Variants in TCF20 observed in about 807,000 individuals in gnomAD.
TCF20 encodes the protein transcription factor 20.
A neutral mutation model predicts 148.6 loss-of-function variants in TCF20; 3 were observed. The observed-to-expected ratio is 0.02, with a 90% CI of 0.01 to 0.05. The LOEUF is 0.05. Ranked by LOEUF, TCF20 falls within the 10% of genes least tolerant of loss-of-function variation. The probability of loss-of-function intolerance (pLI) is 1.00; values close to 1 mark genes in which losing one functional copy is unlikely to be tolerated. For synonymous variants in TCF20, 1,049 were observed against 909.5 expected (o/e 1.15, Z -2.76); for missense variants, 2,350 against 2,429.3 (o/e 0.97, Z 0.69).
At chr22:42,174,718 A>T (rs973240537) in intron 3 of TCF20, among the ~76,000 whole-genome samples, 1 of 152,008 alleles carries the variant, frequency 6.6e-6, no homozygotes, top group Non-Finnish European at 1.5e-5. Context: ...GTCTCAAAAA[A>T]AATTTTTTTT....
intron 1 of TCF20, among the ~76,000 whole-genome samples, chr22:42,280,367 AC>A (rs1926875476): frequency 6.6e-6 from 1 of 152,204 alleles, no homozygotes; most frequent in Non-Finnish European, 1.5e-5. Flanking sequence ...CAGCTCATTT[AC>A]AGTGGTGGGT....
intron 1 of TCF20, among the ~76,000 whole-genome samples, chr22:42,235,932 G>A (rs143153473): frequency 0.017 from 2,611 of 152,280 alleles, 82 homozygotes; most frequent in African/African-American, 0.059. Context: ...GGTGGCTCAC[G>A]CCTATAATCC....
upstream of TCF20, chr22:42,274,355 A>G (rs1232135094): frequency 6.6e-6 from 1 of 152,380 alleles, no homozygotes; most frequent in Non-Finnish European, 1.5e-5. Context: ...CTGTGCCCTC[A>G]TTCCACAGGA....
chr22:42,217,659 G>A (rs918373483), intron 1 of TCF20, among the ~76,000 whole-genome samples: 1 of 152,200 alleles, frequency 6.6e-6, no homozygotes, highest in Admixed American at 6.5e-5. Flanking sequence ...TGCTGTGGGA[G>A]TGACATGAGA....
intron 2 of TCF20, among the ~76,000 whole-genome samples, chr22:42,207,863 G>C (rs5751242): frequency 6.6e-6 from 1 of 152,006 alleles, no homozygotes; most frequent in African/African-American, 2.4e-5. Flanking sequence ...TAACAAGAAA[G>C]AGAAAATAGG....
At chr22:42,178,298 G>A (rs1269789677) in intron 3 of TCF20, among the ~76,000 whole-genome samples, 3 of 152,132 alleles carry the variant, frequency 2.0e-5, no homozygotes, top group Non-Finnish European at 4.4e-5. Flanking sequence ...CCAAGGAAGC[G>A]GTCTTGGGAA....
rs1030077125 is a variant in TCF20, at chr22:42,251,426, C to A, written c.-37+18913G>T. Among the ~76,000 whole-genome samples, 6 of 151,856 alleles carry A rather than the reference C, an allele frequency of 4.0e-5. No homozygotes were observed. The East Asian group carries it at 1.2e-3, about 29-fold the overall frequency. On this transcript the variant is annotated intron_variant, in intron 1 of 5. Transcript: ENST00000677622. ...TGAACTCCTGGGCTCAAGCAATCTGCCCACCTTGGCTTCCCAAAATACTGA... is the reference window on the plus strand; with the variant it reads ...TGAACTCCTGGGCTCAAGCAATCTGACCACCTTGGCTTCCCAAAATACTGA...
rs1491280192 is a variant in TCF20, at chr22:42,242,227, A to AAAAAAAAAAAAAAAAT, written c.-36-26887_-36-26886insATTTTTTTTTTTTTTT. ...CAAAAAAAAAAAAAAAAAAAAAAAA[A>AAAAAAAAAAAAAAAAT]CAGAAAAGAAAGGGTGACTACAAGG... On this transcript the variant is annotated intron_variant, in intron 1 of 5. Transcript: ENST00000677622. Among the ~76,000 whole-genome samples, 95 of 122,746 alleles carry AAAAAAAAAAAAAAAAT rather than the reference A, an allele frequency of 7.7e-4. 6 individuals are homozygous for AAAAAAAAAAAAAAAAT. The highest frequency in any genetic ancestry group is 1.0e-3 in the African/African-American group (32 of 31,340). 80.5% of individuals were successfully genotyped at this position (122,746 alleles called of 152,430 possible). A position where few individuals can be genotyped will look rare whatever the true frequency, so the allele number is the denominator to read the frequency against.
At chr22:42,202,913 T>C (rs563904577) in intron 2 of TCF20, among the ~76,000 whole-genome samples, 19 of 152,288 alleles carry the variant, frequency 1.2e-4, no homozygotes, top group African/African-American at 4.3e-4. Context: ...CCCTGCAAGT[T>C]CCCTGACAGG....
intron 1 of TCF20, among the ~76,000 whole-genome samples, chr22:42,233,402 G>C (rs114460335): frequency 4.5e-4 from 68 of 152,292 alleles, no homozygotes; most frequent in African/African-American, 1.6e-3. Flanking sequence ...ACTGTTCTTA[G>C]CAATGTTCTG....
chr22:42,189,087 C>A (rs1937198555), intron 2 of TCF20, among the ~76,000 whole-genome samples: 1 of 152,000 alleles, frequency 6.6e-6, no homozygotes. Flanking sequence ...GAGCACAACT[C>A]TGAGAGGGTG....
rs1313155588 is a variant in TCF20 at position 42,292,288 on chromosome 22, C to T, written c.-37+51191G>A. Among the ~76,000 whole-genome samples, 1 of 152,176 alleles carries T rather than the reference C, an allele frequency of 6.6e-6. No individual in the cohort carries two copies. The highest frequency in any genetic ancestry group is 2.4e-5 in the African/African-American group (1 of 41,434). On this transcript the variant is annotated intron_variant, in intron 1 of 1. Coordinates refer to the TCF20 transcript ENST00000515426. This position sits in a 1 kb window ranked among gnomAD's most constrained non-coding sequence, Gnocchi z 4.9. ...CTTACAGTTCCCAGGGTTGGGCCTG[C>T]GTGTTCCGTGTCCTGATCCGCTGAG...
At position 42,179,709 on chromosome 22, in the gene TCF20, G is replaced by T. The variant is rs775538537; in HGVS notation, c.5656-7C>A. 1.2e-6 allele frequency: 2 copies of T among 1,609,628 alleles called. No homozygotes were observed. Among genetic ancestry groups the T allele is most frequent in the Non-Finnish European group, 1.7e-6 (2 of 1,176,192 alleles). ...CCTGGCAGTGGGAACATTTCTGAAA[G>T]GAAGGGAAAAGTCAGGCATGTCAGT... On this transcript the variant is annotated splice_polypyrimidine_tract_variant and splice_region_variant and intron_variant, in intron 2 of 5. Transcript: ENST00000677622.
At position 42,160,062 on chromosome 22, in the gene TCF20, T is replaced by A. The variant is rs1935321317; in HGVS notation, c.*1341A>T. On this transcript the variant is annotated 3_prime_UTR_variant, in exon 6 of 6. Transcript: ENST00000677622. The stretch of plus-strand genomic sequence containing the variant: ...TTTTTTGATTTTTTGATTTTTTTTG[T>A]TTTTTGTTTTTTTAAATAAAACTGT... The A allele has an allele frequency of 6.7e-6, 1 of 150,344 alleles. No individual in the cohort carries two copies. The highest frequency in any genetic ancestry group is 6.6e-5 in the Admixed American group (1 of 15,186). The allele number at this position is 150,344 out of a possible 1,614,324, so 9.3% of individuals were successfully genotyped here.
intron 3 of TCF20, among the ~76,000 whole-genome samples, chr22:42,172,287 C>T (rs1601518888): frequency 6.6e-6 from 1 of 152,228 alleles, no homozygotes; most frequent in East Asian, 1.9e-4. Context: ...TCTCCTCTTA[C>T]CAGTCCCTGC....
At chr22:42,311,284 G>A (rs1378281540) in intron 1 of TCF20, among the ~76,000 whole-genome samples, 2 of 152,272 alleles carry the variant, frequency 1.3e-5, no homozygotes, top group Admixed American at 6.5e-5. Context: ...TCATCTCCTG[G>A]CACCAGGCCC....
In TCF20 at chr22:42,161,213, G is replaced by T; in HGVS notation, c.*190C>A. On this transcript the variant is annotated 3_prime_UTR_variant, in exon 6 of 6. Coordinates refer to ENST00000677622, the MANE Select transcript of TCF20 (RefSeq NM_001378418.1). ...TTCTTTCCTGTGGTGTCACTGGTTT[G>T]AGTGTGATGTGAGAACTTAAGGAAG... is the stretch of plus-strand genomic sequence containing the variant. 3 of 982,894 alleles carry T rather than the reference G, an allele frequency of 3.1e-6. No individual in the cohort carries two copies. Among genetic ancestry groups the T allele is most frequent in the South Asian group, 2.8e-5 (2 of 71,762 alleles). 60.9% of individuals were successfully genotyped at this position (982,894 alleles called of 1,614,324 possible).
At chr22:42,217,912 A>G (rs1342479304) in intron 1 of TCF20, among the ~76,000 whole-genome samples, 4 of 152,268 alleles carry the variant, frequency 2.6e-5, no homozygotes, top group Non-Finnish European at 5.9e-5. Flanking sequence ...ACAGCTAGAC[A>G]AGGGTCTACT....
Position 42,290,092 on chromosome 22 carries a change from T to C in TCF20, c.-37+53387A>G, listed in dbSNP as rs1213293175. Among the ~76,000 whole-genome samples, 2 of 152,178 alleles carry C rather than the reference T, an allele frequency of 1.3e-5. No individual in the cohort carries two copies. Among genetic ancestry groups the C allele is most frequent in the African/African-American group, 2.4e-5 (1 of 41,462 alleles). ...CGCATGCGCCCCCTGCACCGCCGGC[T>C]GCTGCTTGGGGAGCGGGGGTCAGCC... On this transcript the variant is annotated intron_variant, in intron 1 of 1. Coordinates refer to the TCF20 transcript ENST00000515426. This position sits in a 1 kb window ranked among gnomAD's most constrained non-coding sequence, Gnocchi z 4.2.
Sources: allele counts gnomAD v4.1 joint callset (sites outside exome capture counted in the v4.1 genomes callset), GRCh38; gene constraint gnomAD v4.1.1; non-coding constraint Gnocchi (gnomAD v3.1); transcripts MANE v1.5; gene names NCBI Gene and HGNC (gene_info 2026-07-23, HGNC 2026-07-21).